The following GALNT18 variants were observed in gnomAD, a reference collection of about 807,000 sequenced individuals.
GALNT18 encodes the protein polypeptide N-acetylgalactosaminyltransferase 18, also known as GalNAc-transferase 18.
A neutral mutation model predicts 69.5 loss-of-function variants in GALNT18; 44 were observed. The ratio of observed to expected loss-of-function variants is 0.63; its 90% confidence interval spans 0.50 to 0.81. The LOEUF (loss-of-function observed/expected upper bound fraction) is 0.81, where lower values mean the gene tolerates loss of function less well. Ranked by LOEUF, GALNT18 falls within the 40% of genes least tolerant of loss-of-function variation. The probability of loss-of-function intolerance (pLI) is 0.00; values close to 1 mark genes in which losing one functional copy is unlikely to be tolerated. For synonymous variants in GALNT18, 364 were observed against 318.2 expected (o/e 1.14, Z -1.53); for missense variants, 715 against 810.0 (o/e 0.88, Z 1.42).
chr11:11,371,641 G>T (rs1850908252), intron 6 of GALNT18, among the ~76,000 whole-genome samples: 1 of 146,904 alleles, frequency 6.8e-6, no homozygotes, highest in African/African-American at 2.4e-5. Flanking sequence ...GGGCCATCGT[G>T]GGGAGGACAT....
In GALNT18 at chr11:11,435,668, T is replaced by C. The variant is rs1195254062; in HGVS notation, c.429-2881A>G. 6.6e-6 allele frequency among the ~76,000 whole-genome samples: 1 copy of C among 152,194 alleles called. No homozygotes were observed. The highest frequency in any genetic ancestry group is 1.5e-5 in the Non-Finnish European group (1 of 68,028). ...AGGCACTCCATGAATGTTTTTGGAATGAAACGAACCTAACAGCTTGCTTGT... is the reference window on the plus strand; with the variant it reads ...AGGCACTCCATGAATGTTTTTGGAACGAAACGAACCTAACAGCTTGCTTGT... On this transcript the variant is annotated intron_variant, in intron 2 of 10. Coordinates refer to ENST00000227756, the MANE Select transcript of GALNT18 (RefSeq NM_198516.3). The surrounding 1 kb of genome is among the most constrained non-coding windows in gnomAD (Gnocchi z 4.4).
intron 1 of GALNT18, among the ~76,000 whole-genome samples, chr11:11,531,671 C>T (rs1857652037): frequency 6.6e-6 from 1 of 152,194 alleles, no homozygotes. Flanking sequence ...CAGGCAGCAT[C>T]GCTTCCAAAG....
rs10644506 is a variant in GALNT18, at chr11:11,358,826, A to AACACACACACACACACACACACAC, written c.1092+13665_1092+13688dup. ...AAGCTAACAGCCCCAATCCACACAA[A>AACACACACACACACACACACACAC]ACACACACACACACACACACACACA... is the stretch of plus-strand genomic sequence containing the variant. On this transcript the variant is annotated intron_variant, in intron 6 of 10. Transcript: ENST00000227756. 8.9e-4 allele frequency among the ~76,000 whole-genome samples: 99 copies of AACACACACACACACACACACACAC among 110,894 alleles called. 9 individuals are homozygous for AACACACACACACACACACACACAC. The highest frequency in any genetic ancestry group is 4.6e-3 in the Middle Eastern group (1 of 218). 72.8% of individuals were successfully genotyped at this position (110,894 alleles called of 152,430 possible). A position where few individuals can be genotyped will look rare whatever the true frequency, so the allele number is the denominator to read the frequency against.
chr11:11,605,360 C>G lies in GALNT18; in HGVS notation c.235+15999G>C, dbSNP rs954071964. On this transcript the variant is annotated intron_variant, in intron 1 of 10. Coordinates refer to ENST00000227756, the MANE Select transcript of GALNT18 (RefSeq NM_198516.3). This position sits in a 1 kb window ranked among gnomAD's most constrained non-coding sequence, Gnocchi z 4.7. Reference sequence around the variant, plus strand: ...TCTTCTGATCTCCGGGTTGCCCTCTCTCAGCTCCCTCTCCTCACTGCAGAC... The same window carrying G: ...TCTTCTGATCTCCGGGTTGCCCTCTGTCAGCTCCCTCTCCTCACTGCAGAC... Among the ~76,000 whole-genome samples the G allele has an allele frequency of 1.3e-5, 2 of 152,138 alleles. No homozygotes were observed. The highest frequency in any genetic ancestry group is 1.3e-4 in the Admixed American group (2 of 15,282).
rs374785239 is a variant in GALNT18 at position 11,389,627 on chromosome 11, C to T, written c.596-10363G>A. 1.8e-4 allele frequency among the ~76,000 whole-genome samples: 28 copies of T among 152,300 alleles called. No individual in the cohort carries two copies. Among genetic ancestry groups the T allele is most frequent in the Middle Eastern group, 3.4e-3 (1 of 294 alleles). ...TCAGCTGTGTCCAGGCAGGAGTGGACGCTGCTCCAGCCCCAGCTCCTCCAG... is the reference window on the plus strand; with the variant it reads ...TCAGCTGTGTCCAGGCAGGAGTGGATGCTGCTCCAGCCCCAGCTCCTCCAG... On this transcript the variant is annotated intron_variant, in intron 3 of 10. Coordinates refer to ENST00000227756, the MANE Select transcript of GALNT18 (RefSeq NM_198516.3). This position sits in a 1 kb window ranked among gnomAD's most constrained non-coding sequence, Gnocchi z 4.3.
At position 11,506,762 on chromosome 11, in the gene GALNT18, G is replaced by A. The variant is rs554426150; in HGVS notation, c.236-57826C>T. ...AGGGGACAAAACTTCCAGTCAATGGGCAAGAAAATAACTCCAAAGACCCAA... is the reference window on the plus strand; with the variant it reads ...AGGGGACAAAACTTCCAGTCAATGGACAAGAAAATAACTCCAAAGACCCAA... On this transcript the variant is annotated intron_variant, in intron 1 of 10. Coordinates refer to ENST00000227756, the MANE Select transcript of GALNT18 (RefSeq NM_198516.3). Among the ~76,000 whole-genome samples, 14 of 152,278 alleles carry A rather than the reference G, an allele frequency of 9.2e-5. No individual in the cohort carries two copies. In the South Asian group the frequency reaches 2.5e-3, roughly 27 times the overall value.
rs1421588440 is a variant in GALNT18 at position 11,621,552 on chromosome 11, G to T, written c.42C>A (p.Cys14Ter). 1 of 1,613,146 alleles carries T rather than the reference G, an allele frequency of 6.2e-7. No homozygotes were observed. The highest frequency in any genetic ancestry group is 8.5e-7 in the Non-Finnish European group (1 of 1,179,592). The change falls in exon 1 of 11, where the codon TGC (cysteine) becomes TGA (stop). Residue 14 changes from cysteine (C) to a stop codon, truncating the protein, a stop_gained. Transcript: ENST00000227756. LOFTEE classifies it high-confidence loss of function. The surrounding 1 kb of genome is among the most constrained non-coding windows in gnomAD (Gnocchi z 9.3). Reference sequence around the variant, plus strand: ...TGTTAGTCATGCCGCTCAGGATCACGCAAGTGGACACCAAAGTTTTGGTCT... The same window carrying T: ...TGTTAGTCATGCCGCTCAGGATCACTCAAGTGGACACCAAAGTTTTGGTCT... Reference protein sequence around the residue: ...TRKTKTLVSTCVILSGMTNII... With the variant: ...TRKTKTLVST
rs529714473 is a variant in GALNT18 at position 11,476,043 on chromosome 11, G to T, written c.236-27107C>A. The stretch of plus-strand genomic sequence containing the variant: ...TCATGACGATAGAAATATGGACATG[G>T]CGAACGTGAAATTGCCCTTCCCTGT... On this transcript the variant is annotated intron_variant, in intron 1 of 10. Transcript: ENST00000227756. The T allele has an allele frequency of 3.9e-5, 6 of 152,296 alleles. No individual in the cohort carries two copies. The South Asian group carries it at 1.2e-3, about 32-fold the overall frequency. 9.4% of individuals were successfully genotyped at this position (152,296 alleles called of 1,614,324 possible). A position where few individuals can be genotyped will look rare whatever the true frequency, so the allele number is the denominator to read the frequency against.
chr11:11,567,597 C>T (rs1858684587), intron 1 of GALNT18, among the ~76,000 whole-genome samples: 2 of 152,190 alleles, frequency 1.3e-5, no homozygotes, highest in South Asian at 4.1e-4. Flanking sequence ...TCTTGGGCCC[C>T]TCTGGGCCCC....
chr11:11,379,363 G>A, intron 3 of GALNT18, 99 bp from the exon 4 acceptor site: 1 of 1,210,646 alleles, frequency 8.3e-7, no homozygotes, highest in Non-Finnish European at 1.2e-6. Flanking sequence ...CCCAGAGAAA[G>A]GCTGGGGGAC....
chr11:11,372,704 TC>T lies in GALNT18; in HGVS notation c.978-76del. 11 of 1,108,186 alleles carry T rather than the reference TC, an allele frequency of 9.9e-6. No homozygotes were observed. Among genetic ancestry groups the T allele is most frequent in the Non-Finnish European group, 1.4e-5 (10 of 738,784 alleles). 68.6% of individuals were successfully genotyped at this position (1,108,186 alleles called of 1,614,324 possible). A position where few individuals can be genotyped will look rare whatever the true frequency, so the allele number is the denominator to read the frequency against. ...GAGTAAGAGCAGTAAGGCCTTCCTA[TC>T]AGGAGGGTCTGGTTCTCTTCCTTCC... On this transcript the variant is annotated intron_variant, in intron 5 of 10. Coordinates refer to ENST00000227756, the MANE Select transcript of GALNT18 (RefSeq NM_198516.3). The surrounding 1 kb of genome is among the most constrained non-coding windows in gnomAD (Gnocchi z 4.9).
chr11:11,532,624 C>G (rs1189986601), intron 1 of GALNT18, among the ~76,000 whole-genome samples: 1 of 152,222 alleles, frequency 6.6e-6, no homozygotes, highest in Non-Finnish European at 1.5e-5. Flanking sequence ...CTGGTCAATG[C>G]CTGTGCTCAG....
chr11:11,306,630 C>T (rs987291094), intron 9 of GALNT18, among the ~76,000 whole-genome samples: 8 of 152,196 alleles, frequency 5.3e-5, no homozygotes, highest in African/African-American at 1.9e-4. Context: ...TAAGGCCATT[C>T]ATATTGGGGA....
At chr11:11,579,631 C>T (rs921840181) in intron 1 of GALNT18, among the ~76,000 whole-genome samples, 2 of 152,148 alleles carry the variant, frequency 1.3e-5, no homozygotes, top group African/African-American at 4.8e-5. Flanking sequence ...GGGACTGACA[C>T]CTGGAGCTCC....
chr11:11,572,692 G>A (rs1237430735), intron 1 of GALNT18, among the ~76,000 whole-genome samples: 5 of 152,150 alleles, frequency 3.3e-5, no homozygotes, highest in African/African-American at 7.2e-5. Flanking sequence ...ATGGCTGCCC[G>A]GTGCCCTTCT....
intron 10 of GALNT18, among the ~76,000 whole-genome samples, chr11:11,274,626 AT>A (rs1848899242): frequency 6.6e-6 from 1 of 152,178 alleles, no homozygotes; most frequent in African/African-American, 2.4e-5. Flanking sequence ...AGGTATATGC[AT>A]GCCATGGTGG....
intron 1 of GALNT18, among the ~76,000 whole-genome samples, chr11:11,485,364 G>A (rs1309748129): frequency 6.6e-6 from 1 of 152,168 alleles, no homozygotes; most frequent in African/African-American, 2.4e-5. Context: ...TCCTCGGTGT[G>A]ATTAATCTGC....
At position 11,413,805 on chromosome 11, in the gene GALNT18, C is replaced by T. The variant is rs1854787762; in HGVS notation, c.595+18816G>A. ...AGCTGTGCAGCCAAGCCAGGCTCAGCCTGTCCTGACCTCTTCCGAGAGCCT... is the reference window on the plus strand; with the variant it reads ...AGCTGTGCAGCCAAGCCAGGCTCAGTCTGTCCTGACCTCTTCCGAGAGCCT... On this transcript the variant is annotated intron_variant, in intron 3 of 10. Coordinates refer to ENST00000227756, the MANE Select transcript of GALNT18 (RefSeq NM_198516.3). The surrounding 1 kb of genome is among the most constrained non-coding windows in gnomAD (Gnocchi z 4.7). Among the ~76,000 whole-genome samples the T allele has an allele frequency of 6.6e-6, 1 of 152,214 alleles. No homozygotes were observed. The highest frequency in any genetic ancestry group is 2.4e-5 in the African/African-American group (1 of 41,464).
rs189563925 is a variant in GALNT18 at position 11,285,078 on chromosome 11, G to A, written c.1677+7951C>T. The stretch of plus-strand genomic sequence containing the variant: ...CAGGTAGAGAGGGGTTATGGAGACA[G>A]CAGGATGGCTGGAGGGAGTTTGCTG... On this transcript the variant is annotated intron_variant, in intron 10 of 10. Transcript: ENST00000227756. Among the ~76,000 whole-genome samples the A allele has an allele frequency of 2.8e-3, 427 of 152,124 alleles. 5 individuals carry two copies. Among genetic ancestry groups the A allele is most frequent in the African/African-American group, 9.8e-3 (407 of 41,476 alleles).
Sources: allele counts gnomAD v4.1 joint callset (sites outside exome capture counted in the v4.1 genomes callset), GRCh38; gene constraint gnomAD v4.1.1; non-coding constraint Gnocchi (gnomAD v3.1); transcripts MANE v1.5; gene names NCBI Gene and HGNC (gene_info 2026-07-23, HGNC 2026-07-21).